Variants in PUDP observed in about 807,000 individuals in gnomAD.
The protein encoded by PUDP is pseudouridine-5'-phosphatase.
Under a neutral mutation model 9.4 loss-of-function variants are expected in PUDP, and 8 were observed. The observed-to-expected ratio is 0.85, with a 90% CI of 0.50 to 1.53. The LOEUF (loss-of-function observed/expected upper bound fraction) is 1.53. Among genes scored for constraint, PUDP ranks in the 40% most tolerant of loss-of-function variants. PUDP has a pLI of 0.00. For missense variants in PUDP, 188 were observed against 189.7 expected (o/e 0.99, Z 0.05); for synonymous variants, 99 against 80.7 (o/e 1.23, Z -1.22).
intron 1 of PUDP, among the ~76,000 whole-genome samples, chrX:6,714,048 T>C (rs1449500811): frequency 9.1e-6 from 1 of 110,429 alleles, no homozygotes; most frequent in Non-Finnish European, 1.9e-5. Context: ...CACACCACCA[T>C]ACCCGGCTAA....
chrX:7,025,576 C>A (rs933689822), intron 1 of PUDP, among the ~76,000 whole-genome samples: 1 of 111,709 alleles, frequency 9.0e-6, no homozygotes, highest in Non-Finnish European at 1.9e-5. Context: ...TTTTCTGAAC[C>A]TGAATTACTC....
intron 3 of PUDP, among the ~76,000 whole-genome samples, chrX:6,884,821 G>A (rs1927399324): frequency 8.9e-6 from 1 of 112,426 alleles, no homozygotes; most frequent in African/African-American, 3.2e-5. Flanking sequence ...GTTTCCGAAA[G>A]TGATCACTTT....
At chrX:6,849,240 G>A (rs1028186821) in intron 3 of PUDP, among the ~76,000 whole-genome samples, 12 of 112,360 alleles carry the variant, frequency 1.1e-4, no homozygotes, top group African/African-American at 3.6e-4. Context: ...CCTGAGAAGG[G>A]AAAGTGGGTC....
intron 3 of PUDP, among the ~76,000 whole-genome samples, chrX:6,777,838 T>C (rs1925490698): frequency 8.9e-6 from 1 of 112,007 alleles, no homozygotes; most frequent in South Asian, 3.7e-4. Flanking sequence ...ATAGAAACTA[T>C]GACACCTACC....
intron 3 of PUDP, among the ~76,000 whole-genome samples, chrX:6,898,017 G>A (rs1030063297): frequency 1.8e-5 from 2 of 112,380 alleles, no homozygotes; most frequent in African/African-American, 3.2e-5. Context: ...CATAGTAGGT[G>A]CTCACTCACT....
intron 3 of PUDP, among the ~76,000 whole-genome samples, chrX:6,780,994 C>T (rs181216757): frequency 5.7e-4 from 63 of 111,190 alleles, no homozygotes; most frequent in Non-Finnish European, 9.6e-4. Context: ...GAGGTGGCAC[C>T]ACTGCACTCC....
intron 3 of PUDP, among the ~76,000 whole-genome samples, chrX:7,073,898 T>G (rs1930817805): frequency 8.9e-6 from 1 of 112,927 alleles, no homozygotes; most frequent in African/African-American, 3.2e-5. Context: ...TTGACAAGTC[T>G]AAAACAAACA....
chrX:7,133,673 A>G (rs1932675991), intron 1 of PUDP, among the ~76,000 whole-genome samples: 1 of 111,762 alleles, frequency 8.9e-6, no homozygotes, highest in Non-Finnish European at 1.9e-5. Flanking sequence ...CTTGGCTGAG[A>G]AGAGAGGCAG....
rs141286488 is a variant in PUDP, at chrX:7,034,158, T to C, written c.204+43062A>G. Among the ~76,000 whole-genome samples the C allele has an allele frequency of 2.1e-4, 24 of 111,978 alleles. No homozygotes were observed. In the East Asian group the frequency reaches 6.5e-3, roughly 30 times the overall value. On this transcript the variant is annotated intron_variant and NMD_transcript_variant, in intron 1 of 3. Coordinates refer to the PUDP transcript ENST00000655425. ...TAGGGTAGGGTGGAAGAGAGAGATTTGGAATAAAGGGTATGGATGGGACAA... is the reference window on the plus strand; with the variant it reads ...TAGGGTAGGGTGGAAGAGAGAGATTCGGAATAAAGGGTATGGATGGGACAA...
At chrX:6,712,986 T>C (rs1234998087) in intron 1 of PUDP, among the ~76,000 whole-genome samples, 1 of 111,682 alleles carries the variant, frequency 9.0e-6, no homozygotes, top group Non-Finnish European at 1.9e-5. Context: ...AGTGGAAGTT[T>C]CGGTGAGCCA....
intron 3 of PUDP, among the ~76,000 whole-genome samples, chrX:6,816,119 A>G (rs1926228651): frequency 9.3e-6 from 1 of 107,443 alleles, no homozygotes. Flanking sequence ...ATAAACATGA[A>G]TAAACATAAA....
intron 2 of PUDP, among the ~76,000 whole-genome samples, chrX:7,100,407 A>G (rs1359295946): frequency 8.9e-6 from 1 of 111,826 alleles, no homozygotes; most frequent in African/African-American, 3.3e-5. Flanking sequence ...CATGTGAAAA[A>G]GAATGACGTT....
chrX:6,957,538 C>T (rs1928645632), intron 3 of PUDP, among the ~76,000 whole-genome samples: 1 of 111,781 alleles, frequency 8.9e-6, no homozygotes. Context: ...GAATTGTGAG[C>T]CAATAAATTC....
Position 6,720,258 on chromosome X carries a change from GTATATATATATATATA to G in PUDP, n.128+1143_128+1158del, listed in dbSNP as rs543397118. Among the ~76,000 whole-genome samples the G allele has an allele frequency of 4.9e-4, 24 of 48,801 alleles. 1 individual carries two copies. The highest frequency in any genetic ancestry group is 0.013 in the Middle Eastern group (1 of 75). The allele number at this position is 48,801 out of a possible 115,157, so 42.4% of individuals were successfully genotyped here. ...TGTATATATGTATGTGTGTGTGTGTGTATATATATATATATATATATATATATATACACACACACAC... is the reference window on the plus strand; with the variant it reads ...TGTATATATGTATGTGTGTGTGTGTGTATATATATATATACACACACACAC... On this transcript the variant is annotated intron_variant and non_coding_transcript_variant, in intron 1 of 2. Coordinates refer to the PUDP transcript ENST00000438499.
chrX:6,907,275 C>T (rs932430907), intron 3 of PUDP, among the ~76,000 whole-genome samples: 5 of 111,366 alleles, frequency 4.5e-5, no homozygotes, highest in African/African-American at 1.6e-4. Context: ...CTTCCCCTTC[C>T]AACATGATTG....
At chrX:6,729,704 C>T (rs1436987860) in intron 3 of PUDP, among the ~76,000 whole-genome samples, 3 of 111,162 alleles carry the variant, frequency 2.7e-5, no homozygotes, top group East Asian at 5.6e-4. Context: ...TTCCTTTCTG[C>T]CTTCGTTACA....
intron 3 of PUDP, among the ~76,000 whole-genome samples, chrX:6,924,735 T>C (rs1490484546): frequency 1.8e-5 from 2 of 112,388 alleles, no homozygotes; most frequent in Non-Finnish European, 3.7e-5. Context: ...ATTTCAAATT[T>C]TGGATTTGAG....
chrX:7,080,057 G>A (rs1201107039), intron 2 of PUDP, among the ~76,000 whole-genome samples: 1 of 111,773 alleles, frequency 8.9e-6, no homozygotes, highest in Admixed American at 9.5e-5. Flanking sequence ...TTTGAGAAGA[G>A]CAATTAAATT....
chrX:7,080,948 T>C (rs994309473), intron 2 of PUDP, among the ~76,000 whole-genome samples: 1 of 108,458 alleles, frequency 9.2e-6, no homozygotes, highest in African/African-American at 3.4e-5. Context: ...TAGCCAATCA[T>C]GAACTTCTGT....
Sources: gnomAD v4.1 joint callset for allele counts (sites outside exome capture counted in the v4.1 genomes callset) on GRCh38, gnomAD v4.1.1 for gene constraint, MANE v1.5 for transcripts, NCBI Gene and HGNC (gene_info 2026-07-23, HGNC 2026-07-21) for gene names.